The following IL15RA variants were observed in gnomAD, a reference collection of about 807,000 sequenced individuals.
IL15RA encodes interleukin 15 receptor subunit alpha, also known as interleukin-15 receptor subunit alpha.
A neutral mutation model predicts 24.2 loss-of-function variants in IL15RA; 26 were observed. That is an observed-to-expected ratio of 1.07 (90% CI 0.79 to 1.49). The LOEUF (loss-of-function observed/expected upper bound fraction) is 1.49. Among genes scored for constraint, IL15RA ranks in the 40% most tolerant of loss-of-function variants. The pLI, the probability that IL15RA is intolerant of heterozygous loss-of-function variation, is 0.00. For missense variants in IL15RA, 354 were observed against 356.4 expected (o/e 0.99, Z 0.05); for synonymous variants, 166 against 157.6 (o/e 1.05, Z -0.40).
rs1050753341 is a variant in IL15RA, at chr10:5,960,075, G to C, written c.584-289C>G. 6.6e-6 allele frequency among the ~76,000 whole-genome samples: 1 copy of C among 152,208 alleles called. No individual in the cohort carries two copies. The highest frequency in any genetic ancestry group is 2.4e-5 in the African/African-American group (1 of 41,458). On this transcript the variant is annotated intron_variant, in intron 4 of 6. Transcript: ENST00000379977. The surrounding 1 kb of genome is among the most constrained non-coding windows in gnomAD (Gnocchi z 5.1). Reference sequence around the variant, plus strand: ...AGCTTCACCACCTCCTACTGCAGGAGGGCACAGATGCCACTCCCAGCTGCA... The same window carrying C: ...AGCTTCACCACCTCCTACTGCAGGACGGCACAGATGCCACTCCCAGCTGCA...
intron 1 of IL15RA, among the ~76,000 whole-genome samples, chr10:5,976,423 G>A (rs1838461142): frequency 2.0e-5 from 3 of 152,270 alleles, no homozygotes; most frequent in South Asian, 4.1e-4. Flanking sequence ...AGATCATGGC[G>A]TTACTAATTC....
chr10:5,978,438 G>A (rs1240668454), upstream of IL15RA, among the ~76,000 whole-genome samples: 1 of 152,240 alleles, frequency 6.6e-6, no homozygotes, highest in East Asian at 1.9e-4. This position sits in a 1 kb window ranked among gnomAD's most constrained non-coding sequence, Gnocchi z 5.2. Context: ...ACATCTCCAA[G>A]CCTCGGTCAT....
Position 5,967,048 on chromosome 10 carries a change from C to T in IL15RA, c.89-709G>A, listed in dbSNP as rs117367899. On this transcript the variant is annotated intron_variant, in intron 1 of 6. Transcript: ENST00000379977. The surrounding 1 kb of genome is among the most constrained non-coding windows in gnomAD (Gnocchi z 4.4). The stretch of plus-strand genomic sequence containing the variant: ...ACAGGTGTGAGCCACCATGCCAGGC[C>T]CTGAATTTCTATTCTAATAGTTTTT... 6.1e-3 allele frequency among the ~76,000 whole-genome samples: 927 copies of T among 152,112 alleles called. 16 individuals are homozygous for T. The highest frequency in any genetic ancestry group is 0.045 in the South Asian group (219 of 4,818).
At chr10:5,954,624 G>A (rs41294039) in intron 6 of IL15RA, among the ~76,000 whole-genome samples, 9,695 of 151,916 alleles carry the variant, frequency 0.064, 527 homozygotes, top group African/African-American at 0.15. Flanking sequence ...AGTAAATATT[G>A]CTATTTTCCT....
rs1272896513 is a variant in IL15RA, at chr10:5,973,601, A to G, written c.88+3804T>C. Among the ~76,000 whole-genome samples the G allele has an allele frequency of 6.6e-6, 1 of 152,222 alleles. No individual in the cohort carries two copies. Among genetic ancestry groups the G allele is most frequent in the African/African-American group, 2.4e-5 (1 of 41,450 alleles). On this transcript the variant is annotated intron_variant, in intron 1 of 6. Transcript: ENST00000379977. The surrounding 1 kb of genome is among the most constrained non-coding windows in gnomAD (Gnocchi z 4.5). Reference sequence around the variant, plus strand: ...AGGGTGCTGGAATAATTGGATATGCATATATAGAAACAAACAAAATCCCAA... The same window carrying G: ...AGGGTGCTGGAATAATTGGATATGCGTATATAGAAACAAACAAAATCCCAA...
chr10:5,955,872 G>A lies in IL15RA; in HGVS notation c.692+507C>T, dbSNP rs932180585. 3.9e-5 allele frequency among the ~76,000 whole-genome samples: 6 copies of A among 152,142 alleles called. No individual in the cohort carries two copies. The highest frequency in any genetic ancestry group is 7.2e-5 in the African/African-American group (3 of 41,452). On this transcript the variant is annotated intron_variant, in intron 6 of 6. Coordinates refer to ENST00000379977, the MANE Select transcript of IL15RA (RefSeq NM_002189.4). The surrounding 1 kb of genome is among the most constrained non-coding windows in gnomAD (Gnocchi z 5.3). ...CCATTTCTACCATGAGCAGGGGTAG[G>A]GGGCACTTGGGCTTGGGCCTAGCTC...
chr10:5,959,317 T>C lies in IL15RA; in HGVS notation c.616+437A>G, dbSNP rs146132935. On this transcript the variant is annotated intron_variant, in intron 5 of 6. Transcript: ENST00000379977. This position sits in a 1 kb window ranked among gnomAD's most constrained non-coding sequence, Gnocchi z 4.1. ...ACCATGCCTGGCCAAGAGTAGCATT[T>C]TATACCGAAAATGTGGACAGCTTCT... 2.9e-3 allele frequency among the ~76,000 whole-genome samples: 442 copies of C among 152,144 alleles called. 2 individuals carry two copies. Among genetic ancestry groups the C allele is most frequent in the African/African-American group, 0.01 (419 of 41,522 alleles).
At position 5,960,038 on chromosome 10, in the gene IL15RA, C is replaced by T. The variant is rs563702344; in HGVS notation, c.584-252G>A. On this transcript the variant is annotated intron_variant, in intron 4 of 6. Coordinates refer to ENST00000379977, the MANE Select transcript of IL15RA (RefSeq NM_002189.4). This position sits in a 1 kb window ranked among gnomAD's most constrained non-coding sequence, Gnocchi z 5.1. ...TCCTCCATTCCACAGATCCTGGCCCCGGACTGTAGGCAGCTTCACCACCTC... is the reference window on the plus strand; with the variant it reads ...TCCTCCATTCCACAGATCCTGGCCCTGGACTGTAGGCAGCTTCACCACCTC... Among the ~76,000 whole-genome samples, 21 of 152,304 alleles carry T rather than the reference C, an allele frequency of 1.4e-4. No homozygotes were observed. Among genetic ancestry groups the T allele is most frequent in the South Asian group, 8.3e-4 (4 of 4,822 alleles).
At chr10:5,951,172 A>AT (rs1833847988), downstream of IL15RA, among the ~76,000 whole-genome samples, 3 of 133,878 alleles carry the variant, frequency 2.2e-5, no homozygotes, top group Non-Finnish European at 4.8e-5. Flanking sequence ...AAAAAAAAAA[A>AT]ATATTAGCCA....
downstream of IL15RA, among the ~76,000 whole-genome samples, chr10:5,951,074 G>A (rs566125386): frequency 1.3e-4 from 20 of 149,866 alleles, no homozygotes; most frequent in African/African-American, 3.9e-4. Context: ...CCCAGGAGGC[G>A]GAGCTTGCAG....
chr10:5,950,510 G>A (rs1204927792), downstream of IL15RA, among the ~76,000 whole-genome samples: 1 of 152,204 alleles, frequency 6.6e-6, no homozygotes, highest in African/African-American at 2.4e-5. The surrounding 1 kb of genome is among the most constrained non-coding windows in gnomAD (Gnocchi z 5.6). Flanking sequence ...TTTACTGAGT[G>A]CTGAGGACTG....
intron 1 of IL15RA, among the ~76,000 whole-genome samples, chr10:5,972,105 C>G (rs962349796): frequency 1.3e-5 from 2 of 152,190 alleles, no homozygotes; most frequent in African/African-American, 4.8e-5. Context: ...CAATGCAGCT[C>G]CTATTCTCTG....
chr10:5,961,920 T>C lies in IL15RA; in HGVS notation c.383-1353A>G, dbSNP rs1269536296. On this transcript the variant is annotated intron_variant, in intron 3 of 6. Coordinates refer to ENST00000379977, the MANE Select transcript of IL15RA (RefSeq NM_002189.4). The surrounding 1 kb of genome is among the most constrained non-coding windows in gnomAD (Gnocchi z 5.2). ...TCACCACCTTTCATATAACTTGCCC[T>C]ACGCTCACTGCCAATGCTCCAGGGC... 6.6e-6 allele frequency among the ~76,000 whole-genome samples: 1 copy of C among 152,214 alleles called. No homozygotes were observed. Among genetic ancestry groups the C allele is most frequent in the African/African-American group, 2.4e-5 (1 of 41,462 alleles).
chr10:5,953,294 G>C lies in IL15RA; in HGVS notation c.693-88C>G, dbSNP rs540217332. 1 of 931,846 alleles carries C rather than the reference G, an allele frequency of 1.1e-6. No homozygotes were observed. The highest frequency in any genetic ancestry group is 1.8e-6 in the Non-Finnish European group (1 of 568,358). 57.7% of individuals were successfully genotyped at this position (931,846 alleles called of 1,614,324 possible). On this transcript the variant is annotated intron_variant, in intron 6 of 6. Coordinates refer to ENST00000379977, the MANE Select transcript of IL15RA (RefSeq NM_002189.4). The surrounding 1 kb of genome is among the most constrained non-coding windows in gnomAD (Gnocchi z 5.3). ...GCTTCCCACTGAGCATGTATGTCCA[G>C]CACTGCGGGGATGGCAGGAGCAGAC...
chr10:5,951,136 A>G (rs1187771087), downstream of IL15RA, among the ~76,000 whole-genome samples: 7 of 96,432 alleles, frequency 7.3e-5, no homozygotes, highest in Admixed American at 1.3e-4. Flanking sequence ...AGCAAGACTC[A>G]GTCTCAAAAA....
chr10:5,977,048 C>T (rs1838567960), intron 1 of IL15RA: 1 of 207,384 alleles, frequency 4.8e-6, no homozygotes, highest in South Asian at 1.8e-4. Context: ...GGGAGAAGCG[C>T]ACTCGCCCGT....
At chr10:5,950,172 A>G (rs1380143173), downstream of IL15RA, among the ~76,000 whole-genome samples, 1 of 152,162 alleles carries the variant, frequency 6.6e-6, no homozygotes, top group East Asian at 1.9e-4. This position sits in a 1 kb window ranked among gnomAD's most constrained non-coding sequence, Gnocchi z 5.6. Flanking sequence ...TTTTTCTTCA[A>G]GGCAAATGTG....
intron 5 of IL15RA, among the ~76,000 whole-genome samples, chr10:5,957,213 A>C (rs1221142251): frequency 6.6e-6 from 1 of 151,922 alleles, no homozygotes; most frequent in Non-Finnish European, 1.5e-5. Flanking sequence ...CACCTGCCTC[A>C]GCCTCCCAAA....
rs1834406993 is a variant in IL15RA at position 5,955,632 on chromosome 10, G to A, written c.692+747C>T. Among the ~76,000 whole-genome samples, 1 of 152,096 alleles carries A rather than the reference G, an allele frequency of 6.6e-6. No homozygotes were observed. The highest frequency in any genetic ancestry group is 1.5e-5 in the Non-Finnish European group (1 of 68,018). On this transcript the variant is annotated intron_variant, in intron 6 of 6. Coordinates refer to ENST00000379977, the MANE Select transcript of IL15RA (RefSeq NM_002189.4). This position sits in a 1 kb window ranked among gnomAD's most constrained non-coding sequence, Gnocchi z 5.3. ...TAAAAAAATGAGAAAAATTAAAAAA[G>A]TTAGCAAGTGGCAGAAATATTTTTG...
Sources: allele counts gnomAD v4.1 joint callset (sites outside exome capture counted in the v4.1 genomes callset), GRCh38; gene constraint gnomAD v4.1.1; non-coding constraint Gnocchi (gnomAD v3.1); transcripts MANE v1.5; gene names NCBI Gene and HGNC (gene_info 2026-07-23, HGNC 2026-07-21).